The following CA4 variants were observed in gnomAD, a reference collection of about 807,000 sequenced individuals.
CA4 encodes the protein carbonic anhydrase 4.
CA4 carries 24 observed loss-of-function variants against 34.5 expected under a neutral mutation model. The ratio of observed to expected loss-of-function variants is 0.70; its 90% CI spans 0.50 to 0.98. CA4 has a LOEUF of 0.98. Ranked by LOEUF, CA4 falls within the 50% of genes least tolerant of loss-of-function variation. The probability of loss-of-function intolerance (pLI) is 0.00; values close to 1 mark genes in which losing one functional copy is unlikely to be tolerated. For synonymous variants in CA4, 178 were observed against 170.6 expected (o/e 1.04, Z -0.34); for missense variants, 394 against 396.7 (o/e 0.99, Z 0.06).
rs753701274 is a variant in CA4 at position 60,157,682 on chromosome 17, C to T, written c.415-8C>T. On this transcript the variant is annotated splice_region_variant and splice_polypyrimidine_tract_variant and intron_variant, in intron 4 of 7. Transcript: ENST00000300900. ...TAGGTCCCCTTTTCACCCCTCCACC[C>T]CGACCAGATGCACATAGTACATGAG... is the stretch of plus-strand genomic sequence containing the variant. The T allele has an allele frequency of 6.2e-7, 1 of 1,613,136 alleles. No homozygotes were observed. The highest frequency in any genetic ancestry group is 1.3e-5 in the African/African-American group (1 of 74,922).
chr17:60,156,846 G>A, intron 3 of CA4, 131 bp downstream of exon 3: 2 of 839,096 alleles, frequency 2.4e-6, no homozygotes, highest in Non-Finnish European at 4.0e-6. Context: ...AAAATCCCAT[G>A]GGGGAGGACA....
chr17:60,157,684 G>C lies in CA4; in HGVS notation c.415-6G>C. 6.2e-7 allele frequency: 1 copy of C among 1,613,388 alleles called. No individual in the cohort carries two copies. Among genetic ancestry groups the C allele is most frequent in the South Asian group, 1.1e-5 (1 of 91,050 alleles). Reference sequence around the variant, plus strand: ...GGTCCCCTTTTCACCCCTCCACCCCGACCAGATGCACATAGTACATGAGAA... The same window carrying C: ...GGTCCCCTTTTCACCCCTCCACCCCCACCAGATGCACATAGTACATGAGAA... On this transcript the variant is annotated splice_region_variant and splice_polypyrimidine_tract_variant and intron_variant, in intron 4 of 7. Transcript: ENST00000300900.
At chr17:60,151,283 G>A (rs1170332089) in intron 1 of CA4, among the ~76,000 whole-genome samples, 1 of 152,120 alleles carries the variant, frequency 6.6e-6, no homozygotes, top group Non-Finnish European at 1.5e-5. Context: ...CGGAGTGAGG[G>A]GTGAAGGTGT....
At chr17:60,159,729 C>G (rs796330379), downstream of CA4, among the ~76,000 whole-genome samples, 10 of 152,310 alleles carry the variant, frequency 6.6e-5, no homozygotes, top group African/African-American at 2.2e-4. Context: ...CTCCCTTCTA[C>G]CAGGACCTGG....
chr17:60,176,471 T>A, the CA4 span, among the ~76,000 whole-genome samples: 1 of 152,052 alleles, frequency 6.6e-6, no homozygotes, highest in African/African-American at 2.4e-5. Context: ...GGGACATCTC[T>A]GGTTTCTCGG....
rs147852446 is a variant in CA4 at position 60,158,399 on chromosome 17, G to C, written c.697G>C (p.Val233Leu). ...SLTTPTCDEK[V>L]VWTVFREPIQ... Reference sequence around the variant, plus strand: ...CACCACACCGACCTGCGATGAGAAGGTCGTCTGGACTGTGTTCCGGGAGCC... The same window carrying C: ...CACCACACCGACCTGCGATGAGAAGCTCGTCTGGACTGTGTTCCGGGAGCC... Residue 233 changes from valine to leucine, a missense_variant, in exon 7 of 8, where the codon GTC (valine) becomes CTC (leucine). By Grantham distance (32) the Val-to-Leu change is conservative (BLOSUM62 1). Transcript: ENST00000300900. 15 of 1,614,026 alleles carry C rather than the reference G, an allele frequency of 9.3e-6. No individual in the cohort carries two copies. In the African/African-American group the frequency reaches 1.7e-4, roughly 19 times the overall value.
intron 1 of CA4, among the ~76,000 whole-genome samples, chr17:60,150,787 G>T (rs1015692211): frequency 2.7e-5 from 4 of 150,630 alleles, no homozygotes; most frequent in Admixed American, 2.0e-4. Context: ...GGGACTCAGC[G>T]CTGGGTGACT....
chr17:60,164,362 GTCTGTCTGTCTT>G (rs1212867961), downstream of CA4, among the ~76,000 whole-genome samples: 8 of 140,844 alleles, frequency 5.7e-5, no homozygotes, highest in Non-Finnish European at 7.6e-5. Flanking sequence ...CAGTCTGTCT[GTCTGTCTGTCTT>G]TCTTTCTTTC....
At position 60,157,785 on chromosome 17, in the gene CA4, G is replaced by A. The variant is rs749723077; in HGVS notation, c.510G>A (p.Val170=). The A allele has an allele frequency of 1.9e-6, 3 of 1,612,470 alleles. No individual in the cohort carries two copies. The highest frequency in any genetic ancestry group is 1.1e-5 in the South Asian group (1 of 91,046). The change falls in exon 5 of 8, where the codon GTG becomes GTA. Residue 170 remains valine, a synonymous_variant. Transcript: ENST00000300900. The part of the protein sequence containing the change: ...EDEIAVLAFL[V]EAGTQVNEGF... Reference sequence around the variant, plus strand: ...AAATTGCGGTGCTGGCCTTTCTGGTGGAGGTGGGACTCCCATCCCCCACTT... The same window carrying A: ...AAATTGCGGTGCTGGCCTTTCTGGTAGAGGTGGGACTCCCATCCCCCACTT...
Position 60,157,767 on chromosome 17 carries a change from G to T in CA4, c.492G>T (p.Ala164=). The change falls in exon 5 of 8, where the codon GCG becomes GCT. Residue 164 remains alanine (A), a synonymous_variant. Transcript: ENST00000300900. ...CCCAGGACCCTGAAGACGAAATTGC[G>T]GTGCTGGCCTTTCTGGTGGAGGTGG... is the stretch of plus-strand genomic sequence containing the variant. ...KEAQDPEDEI[A]VLAFLVEAGT... The T allele has an allele frequency of 6.2e-7, 1 of 1,613,672 alleles. No individual in the cohort carries two copies. Among genetic ancestry groups the T allele is most frequent in the South Asian group, 1.1e-5 (1 of 91,084 alleles).
chr17:60,158,020 C>T (rs375352085), intron 5 of CA4, 41 bp from the exon 6 acceptor site: 2 of 1,609,534 alleles, frequency 1.2e-6, no homozygotes, highest in Non-Finnish European at 1.7e-6. Context: ...CCACCACTGG[C>T]TCCCTGCAGA....
At chr17:60,152,641 G>A (rs1490409185) in intron 1 of CA4, among the ~76,000 whole-genome samples, 1 of 152,234 alleles carries the variant, frequency 6.6e-6, no homozygotes, top group Non-Finnish European at 1.5e-5. Context: ...CTCCTGGAAT[G>A]GCTGCCCCCG....
Position 60,150,000 on chromosome 17 carries a change from C to T in CA4, c.-35C>T, listed in dbSNP as rs748128085. The T allele has an allele frequency of 1.3e-6, 2 of 1,576,632 alleles. No individual in the cohort carries two copies. The highest frequency in any genetic ancestry group is 1.1e-5 in the South Asian group (1 of 89,726). On this transcript the variant is annotated 5_prime_UTR_variant, in exon 1 of 8. Coordinates refer to ENST00000300900, the MANE Select transcript of CA4 (RefSeq NM_000717.5). Reference sequence around the variant, plus strand: ...CCGCGGCGGCCTCCTCGGTGCGCGACCCCCGGCTCAGAGGACTCTTTGCTG... The same window carrying T: ...CCGCGGCGGCCTCCTCGGTGCGCGATCCCCGGCTCAGAGGACTCTTTGCTG...
chr17:60,162,089 G>T (rs980196591), downstream of CA4, among the ~76,000 whole-genome samples: 1 of 152,106 alleles, frequency 6.6e-6, no homozygotes, highest in African/African-American at 2.4e-5. Context: ...GAGCCAGAAC[G>T]GGCACAGCTT....
rs374148055 is a variant in CA4, at chr17:60,150,029, C to T, written c.-6C>T. On this transcript the variant is annotated 5_prime_UTR_variant, in exon 1 of 8. Coordinates refer to ENST00000300900, the MANE Select transcript of CA4 (RefSeq NM_000717.5). ...CGGCTCAGAGGACTCTTTGCTGTCC[C>T]GCAAGATGCGGATGCTGCTGGCGCT... The T allele has an allele frequency of 6.9e-6, 11 of 1,602,270 alleles. No homozygotes were observed. Among genetic ancestry groups the T allele is most frequent in the South Asian group, 1.1e-5 (1 of 90,888 alleles).
At chr17:60,158,835 A>G (rs777976164) in intron 7 of CA4, 7 of 405,490 alleles carry the variant, frequency 1.7e-5, no homozygotes, top group Non-Finnish European at 3.2e-5. Flanking sequence ...GGAATTTGTT[A>G]GAAATGCTAA....
chr17:60,159,188 G>A (rs1240692724), intron 7 of CA4, 42 bp from the exon 8 acceptor site: 7 of 1,549,146 alleles, frequency 4.5e-6, no homozygotes, highest in Non-Finnish European at 6.1e-6. Flanking sequence ...AGGGAGTGCA[G>A]CTCCCCCTGC....
chr17:60,158,757 C>T (rs1030343793), intron 7 of CA4: 17 of 470,638 alleles, frequency 3.6e-5, no homozygotes, highest in Non-Finnish European at 5.5e-5. Context: ...CCTTGCACTG[C>T]TTTCATTCCA....
At chr17:60,167,841 G>T (rs2083870453) in intron 5 of CA4, among the ~76,000 whole-genome samples, 1 of 152,168 alleles carries the variant, frequency 6.6e-6, no homozygotes, top group Non-Finnish European at 1.5e-5. Flanking sequence ...TGCCTGGTCT[G>T]TCCCCAGTCT....
Sources: gnomAD v4.1 joint callset for allele counts (sites outside exome capture counted in the v4.1 genomes callset) on GRCh38, gnomAD v4.1.1 for gene constraint, MANE v1.5 for transcripts, NCBI Gene and HGNC (gene_info 2026-07-23, HGNC 2026-07-21) for gene names.